Variants in KIAA1958 observed in about 807,000 individuals in gnomAD.
KIAA1958 encodes the protein KIAA1958.
A neutral mutation model predicts 47.2 loss-of-function variants in KIAA1958; 14 were observed. That is an observed-to-expected ratio of 0.30 (90% confidence interval 0.20 to 0.46). The LOEUF (loss-of-function observed/expected upper bound fraction) is 0.46. Ranked by LOEUF, KIAA1958 falls within the 20% of genes least tolerant of loss-of-function variation. The pLI is 1.00. For missense variants in KIAA1958, 803 were observed against 909.2 expected (o/e 0.88, Z 1.50); for synonymous variants, 354 against 353.3 (o/e 1.00, Z -0.02).
chr9:112,491,568 T>G (rs888305569), intron 1 of KIAA1958, among the ~76,000 whole-genome samples: 3 of 147,884 alleles, frequency 2.0e-5, no homozygotes, highest in Admixed American at 6.8e-5. Context: ...GTTTTTTTTG[T>G]TTTTTTTTTC....
At chr9:112,543,660 C>A (rs767979716) in intron 1 of KIAA1958, among the ~76,000 whole-genome samples, 1 of 151,534 alleles carries the variant, frequency 6.6e-6, no homozygotes, top group African/African-American at 2.4e-5. Flanking sequence ...TCAACCTCCA[C>A]CTCCCAGGTT....
chr9:112,609,171 A>C (rs1212413802), intron 2 of KIAA1958, among the ~76,000 whole-genome samples: 3 of 152,214 alleles, frequency 2.0e-5, no homozygotes, highest in Admixed American at 6.5e-5. Flanking sequence ...TCATAAAATC[A>C]CAATATAACT....
At chr9:112,650,395 G>GA (rs532175032) in intron 3 of KIAA1958, among the ~76,000 whole-genome samples, 5 of 152,050 alleles carry the variant, frequency 3.3e-5, no homozygotes, top group South Asian at 2.1e-4. Flanking sequence ...ATATATGGAG[G>GA]AAAAAATGCA....
chr9:112,502,136 G>A lies in KIAA1958; in HGVS notation c.-25+15018G>A, dbSNP rs568616662. 2.6e-5 allele frequency among the ~76,000 whole-genome samples: 4 copies of A among 152,286 alleles called. No homozygotes were observed. In the South Asian group the frequency reaches 8.3e-4, roughly 32 times the overall value. ...GGAGGAAGTTATTCTCATATGTATTGCTGATGGGAATATGACATCTTTGTT... is the reference window on the plus strand; with the variant it reads ...GGAGGAAGTTATTCTCATATGTATTACTGATGGGAATATGACATCTTTGTT... On this transcript the variant is annotated intron_variant, in intron 1 of 3. Transcript: ENST00000337530.
At chr9:112,564,376 G>A (rs1259901174) in intron 1 of KIAA1958, among the ~76,000 whole-genome samples, 1 of 151,978 alleles carries the variant, frequency 6.6e-6, no homozygotes, top group Non-Finnish European at 1.5e-5. Context: ...GAGATCTAGT[G>A]GCATTAAAAC....
intron 1 of KIAA1958, among the ~76,000 whole-genome samples, chr9:112,493,224 C>T (rs16917016): frequency 0.012 from 1,864 of 151,068 alleles, 42 homozygotes; most frequent in African/African-American, 0.042. Flanking sequence ...ACTATTTGTT[C>T]TTTTCACGCA....
intron 2 of KIAA1958, chr9:112,619,068 C>A: frequency 2.7e-6 from 2 of 745,872 alleles, no homozygotes; most frequent in Non-Finnish European, 1.7e-6. Context: ...ACAAATAAGC[C>A]AATGGAGATA....
At position 112,571,470 on chromosome 9, in the gene KIAA1958, A is replaced by G. The variant is rs144434855; in HGVS notation, c.-24-2587A>G. ...ATTATGATGCGAACCCCTTCCATTT[A>G]CGTGTCCTTGGCCATGACTGTGTCA... On this transcript the variant is annotated intron_variant, in intron 1 of 3. Coordinates refer to ENST00000337530, the MANE Select transcript of KIAA1958 (RefSeq NM_133465.4). 3.6e-3 allele frequency among the ~76,000 whole-genome samples: 555 copies of G among 152,314 alleles called. 3 individuals are homozygous for G. The highest frequency in any genetic ancestry group is 0.013 in the African/African-American group (521 of 41,566).
At position 112,642,389 on chromosome 9, in the gene KIAA1958, G is replaced by A. The variant is rs191294667; in HGVS notation, c.1172-3261G>A. Among the ~76,000 whole-genome samples, 134 of 152,328 alleles carry A rather than the reference G, an allele frequency of 8.8e-4. 1 individual carries two copies. Among genetic ancestry groups the A allele is most frequent in the African/African-American group, 3.1e-3 (128 of 41,572 alleles). On this transcript the variant is annotated intron_variant, in intron 2 of 3. Transcript: ENST00000337530. ...AGGGATTTCTTTGCTTTTCTTAGCTGCTTTGCTTTTTCCCTTGTCCATGTC... is the reference window on the plus strand; with the variant it reads ...AGGGATTTCTTTGCTTTTCTTAGCTACTTTGCTTTTTCCCTTGTCCATGTC...
intron 1 of KIAA1958, among the ~76,000 whole-genome samples, chr9:112,553,852 T>G (rs1835197093): frequency 6.6e-6 from 1 of 152,246 alleles, no homozygotes; most frequent in South Asian, 2.1e-4. Flanking sequence ...GTTTATTTTT[T>G]GTGCACATTG....
chr9:112,617,019 G>A (rs149421821), intron 2 of KIAA1958, among the ~76,000 whole-genome samples: 1 of 152,306 alleles, frequency 6.6e-6, no homozygotes, highest in African/African-American at 2.4e-5. Flanking sequence ...ACAGCAATCT[G>A]TGAAGACAGC....
chr9:112,594,173 CTT>C (rs1835975902), intron 2 of KIAA1958, among the ~76,000 whole-genome samples: 1 of 152,158 alleles, frequency 6.6e-6, no homozygotes, highest in Non-Finnish European at 1.5e-5. Flanking sequence ...CCAAGGGAGA[CTT>C]TTAAATGTAG....
intron 1 of KIAA1958, among the ~76,000 whole-genome samples, chr9:112,548,032 A>C: frequency 8.5e-6 from 1 of 118,038 alleles, no homozygotes; most frequent in African/African-American, 3.3e-5. Context: ...TTTTGGAGAC[A>C]AGGTCTTGCC....
At chr9:112,628,011 A>T (rs1421513796) in intron 2 of KIAA1958, among the ~76,000 whole-genome samples, 2 of 152,200 alleles carry the variant, frequency 1.3e-5, no homozygotes, top group Non-Finnish European at 2.9e-5. Flanking sequence ...ACTCTACTAC[A>T]CATTGTTAAA....
chr9:112,622,969 G>A (rs924365728), intron 2 of KIAA1958, among the ~76,000 whole-genome samples: 2 of 152,116 alleles, frequency 1.3e-5, no homozygotes, highest in African/African-American at 4.8e-5. Context: ...ATTTTTGAGA[G>A]CCCAGCAAAA....
intron 1 of KIAA1958, among the ~76,000 whole-genome samples, chr9:112,568,936 TAAAAAAAAAAA>T (rs57898820): frequency 3.8e-4 from 14 of 36,454 alleles, no homozygotes; most frequent in African/African-American, 1.1e-3. Flanking sequence ...ATAGGAAAAC[TAAAAAAAAAAA>T]AAAAAAAAAA....
At position 112,618,411 on chromosome 9, in the gene KIAA1958, G is replaced by A. The variant is rs199574594; in HGVS notation, c.1172-27239G>A. 7.8e-4 allele frequency: 1,206 copies of A among 1,551,124 alleles called. No homozygotes were observed. The highest frequency in any genetic ancestry group is 9.3e-4 in the Non-Finnish European group (1,062 of 1,147,144). The stretch of plus-strand genomic sequence containing the variant: ...TCTACCTTAAAATGGGGTGATATCC[G>A]GCTCCGGGTAACAGAGACGGGTCTC... On this transcript the variant is annotated intron_variant, in intron 2 of 3. Transcript: ENST00000337530. This position sits in a 1 kb window ranked among gnomAD's most constrained non-coding sequence, Gnocchi z 7.1.
chr9:112,638,503 TA>T (rs903383432), intron 2 of KIAA1958, among the ~76,000 whole-genome samples: 20 of 147,502 alleles, frequency 1.4e-4, no homozygotes, highest in East Asian at 2.0e-4. Context: ...ACCCTATCTC[TA>T]AAAAAAAAAG....
At chr9:112,552,436 A>C (rs899399039) in intron 1 of KIAA1958, among the ~76,000 whole-genome samples, 2 of 152,190 alleles carry the variant, frequency 1.3e-5, no homozygotes, top group Admixed American at 6.5e-5. Context: ...TAATGTGTTA[A>C]CTATAAATAG....
Sources: gnomAD v4.1 joint callset for allele counts (sites outside exome capture counted in the v4.1 genomes callset) on GRCh38, gnomAD v4.1.1 for gene constraint, Gnocchi (gnomAD v3.1) non-coding constraint, MANE v1.5 for transcripts, NCBI Gene and HGNC (gene_info 2026-07-23, HGNC 2026-07-21) for gene names.